Variants in ALG3 observed in about 807,000 individuals in gnomAD.
The protein encoded by ALG3 is dol-P-Man:Man(5)GlcNAc(2)-PP-Dol alpha-1,3-mannosyltransferase.
A neutral mutation model predicts 50.5 loss-of-function variants in ALG3; 39 were observed. That is an observed-to-expected ratio of 0.77 (90% confidence interval 0.60 to 1.01). ALG3 has a LOEUF of 1.01. Among genes scored for constraint, ALG3 ranks in the 50% least tolerant of loss-of-function variants. ALG3 has a pLI of 0.00. For missense variants in ALG3, 520 were observed against 554.8 expected (o/e 0.94, Z 0.63); for synonymous variants, 252 against 237.2 (o/e 1.06, Z -0.58).
Position 184,244,798 on chromosome 3 carries a change from A to C in ALG3, c.606-77T>G, listed in dbSNP as rs1577103843. ...CACAACACCCAAAGACATACCCCCC[A>C]CCATCACCACAGCAACCTCCCCCCC... is the stretch of plus-strand genomic sequence containing the variant. On this transcript the variant is annotated intron_variant, in intron 4 of 8. Transcript: ENST00000397676. 3.3e-6 allele frequency: 5 copies of C among 1,517,574 alleles called. No individual in the cohort carries two copies. In the East Asian group the frequency reaches 9.9e-5, roughly 30 times the overall value. 94.0% of individuals were successfully genotyped at this position (1,517,574 alleles called of 1,614,324 possible). A position where few individuals can be genotyped will look rare whatever the true frequency, so the allele number is the denominator to read the frequency against.
chr3:184,244,477 C>A (rs1400951852), intron 5 of ALG3, 124 bp downstream of exon 5: 1 of 1,230,618 alleles, frequency 8.1e-7, no homozygotes, highest in Admixed American at 2.5e-5. Flanking sequence ...ATAGTGGCTC[C>A]CTAGCTCAGA....
rs1322656346 is a variant in ALG3, at chr3:184,244,670, C to A, written c.657G>T (p.Leu219=). The stretch of plus-strand genomic sequence containing the variant: ...AGCCAAACTGTGTGAGGAGAAGAAA[C>A]AGTAACCCAGGGGCGAAGAGCAGCA... ...MNVLLFAPGL[L]FLLLTQFGFR... Residue 219 remains leucine (L), a synonymous_variant, in exon 5 of 9, where the codon CTG becomes CTT. Transcript: ENST00000397676. The A allele has an allele frequency of 1.1e-5, 17 of 1,610,736 alleles. No homozygotes were observed. Among genetic ancestry groups the A allele is most frequent in the Non-Finnish European group, 1.4e-5 (17 of 1,178,700 alleles).
rs1478739541 is a variant in ALG3 at position 184,245,371 on chromosome 3, C to G, written c.445-13G>C. On this transcript the variant is annotated splice_polypyrimidine_tract_variant and intron_variant, in intron 3 of 8. Transcript: ENST00000397676. ...CGAAGGGAGGTACCTAAAGGGAAAA[C>G]ACAGTAAGGTACAAGGTCAGCTCAG... is the stretch of plus-strand genomic sequence containing the variant. The G allele has an allele frequency of 6.2e-7, 1 of 1,612,876 alleles. No individual in the cohort carries two copies.
At chr3:184,245,018 G>T in intron 4 of ALG3, 180 bp downstream of exon 4, 1 of 859,602 alleles carries the variant, frequency 1.2e-6, no homozygotes, top group East Asian at 2.6e-5. Flanking sequence ...TGGAAAGAGG[G>T]CATGTGTGTA....
chr3:184,249,377 C>T (rs762556321), upstream of ALG3: 4 of 1,301,664 alleles, frequency 3.1e-6, no homozygotes, highest in East Asian at 2.5e-5. Flanking sequence ...GAACCTTTCA[C>T]TAATTTTCAG....
chr3:184,248,665 G>C (rs1719321251), intron 1 of ALG3, 80 bp downstream of exon 1: 2 of 1,307,018 alleles, frequency 1.5e-6, no homozygotes, highest in Non-Finnish European at 2.1e-6. Context: ...GTCTGGTTTG[G>C]AGTTCCAGGT....
At chr3:184,243,122 A>C in intron 7 of ALG3, 165 bp from the exon 8 acceptor site, 1 of 910,412 alleles carries the variant, frequency 1.1e-6, no homozygotes, top group Non-Finnish European at 1.7e-6. Flanking sequence ...TCAACCAAAT[A>C]TGGAATATGG....
chr3:184,243,420 TG>T, intron 7 of ALG3, 133 bp downstream of exon 7: 1 of 744,048 alleles, frequency 1.3e-6, no homozygotes, highest in Non-Finnish European at 2.4e-6. Context: ...CTCAGCACAG[TG>T]GTGCAGAATA....
rs528154210 is a variant in ALG3, at chr3:184,243,924, G to T, written c.799C>A (p.Gln267Lys). The T allele has an allele frequency of 2.5e-5, 40 of 1,613,950 alleles. No homozygotes were observed. The South Asian group carries it at 4.0e-4, about 16-fold the overall frequency. ...YLSRSFDLGR[Q>K]FLFHWTVNWR... ...TTCACTGTCCAGTGGAACAGAAACTGGCGGCCAAGGTCAAAGGAGCGGGAC... is the reference window on the plus strand; with the variant it reads ...TTCACTGTCCAGTGGAACAGAAACTTGCGGCCAAGGTCAAAGGAGCGGGAC... The change falls in exon 6 of 9, where the codon CAG becomes AAG. Residue 267 changes from glutamine to lysine, a missense_variant. Around this residue, in one of 3 missense-constraint regions of ALG3, gnomAD observed 224 missense variants for 272.8 expected, o/e 0.82. Coordinates refer to ENST00000397676, the MANE Select transcript of ALG3 (RefSeq NM_005787.6).
At chr3:184,243,737 A>G in intron 6 of ALG3, 54 bp downstream of exon 6, 1 of 1,593,892 alleles carries the variant, frequency 6.3e-7, no homozygotes, top group South Asian at 1.1e-5. Context: ...CCTAAGGCTT[A>G]GGCCCTTCAC....
upstream of ALG3, chr3:184,248,984 C>T: frequency 6.5e-7 from 1 of 1,546,654 alleles, no homozygotes; most frequent in Non-Finnish European, 8.7e-7. Context: ...CCCCGGAAAC[C>T]CGAACCTTCG....
At chr3:184,246,278 A>G (rs1314392456) in intron 1 of ALG3, among the ~76,000 whole-genome samples, 2 of 152,130 alleles carry the variant, frequency 1.3e-5, no homozygotes, top group Non-Finnish European at 1.5e-5. Context: ...CCTGACTTCT[A>G]CTTTCACCCT....
chr3:184,243,749 C>A, intron 6 of ALG3, 42 bp downstream of exon 6: 1 of 1,597,010 alleles, frequency 6.3e-7, no homozygotes, highest in Non-Finnish European at 8.5e-7. Context: ...GCCCTTCACT[C>A]CTTCCCCCAA....
intron 1 of ALG3, among the ~76,000 whole-genome samples, chr3:184,247,673 A>G (rs1719233617): frequency 6.6e-6 from 1 of 152,052 alleles, no homozygotes; most frequent in African/African-American, 2.4e-5. Flanking sequence ...TTCCTTAAAT[A>G]GCTAATTCCT....
chr3:184,247,661 C>T (rs1670410618), intron 1 of ALG3, among the ~76,000 whole-genome samples: 1 of 152,068 alleles, frequency 6.6e-6, no homozygotes, highest in African/African-American at 2.4e-5. Flanking sequence ...CCTTTTTCTT[C>T]TTTCCTTAAA....
chr3:184,247,906 C>T (rs1456059948), intron 1 of ALG3, among the ~76,000 whole-genome samples: 8 of 150,626 alleles, frequency 5.3e-5, no homozygotes, highest in African/African-American at 2.0e-4. Context: ...AGTGCAGTGG[C>T]GTGATCTCGG....
At chr3:184,245,067 T>C (rs1219789474) in intron 4 of ALG3, 131 bp downstream of exon 4, 2 of 1,231,216 alleles carry the variant, frequency 1.6e-6, no homozygotes, top group South Asian at 2.6e-5. Flanking sequence ...CTATAGATCC[T>C]GGACTCGCTT....
rs754104292 is a variant in ALG3, at chr3:184,248,955, G to C, written c.-15C>G. The C allele has an allele frequency of 6.4e-7, 1 of 1,561,752 alleles. No homozygotes were observed. Among genetic ancestry groups the C allele is most frequent in the South Asian group, 1.2e-5 (1 of 86,162 alleles). Reference sequence around the variant, plus strand: ...CCAGCCGCCATCTTAACGGTGCGCCGCTTGTGTGGGCCCACCACCCCCGGA... The same window carrying C: ...CCAGCCGCCATCTTAACGGTGCGCCCCTTGTGTGGGCCCACCACCCCCGGA... On this transcript the variant is annotated 5_prime_UTR_variant, in exon 1 of 9. Transcript: ENST00000397676.
intron 6 of ALG3, 50 bp from the exon 7 acceptor site, chr3:184,243,680 C>T: frequency 6.2e-7 from 1 of 1,605,158 alleles, no homozygotes; most frequent in East Asian, 2.2e-5. Flanking sequence ...GTGAGTCAAA[C>T]TCTAGACTCA....
Sources: gnomAD v4.1 joint callset for allele counts (sites outside exome capture counted in the v4.1 genomes callset) on GRCh38, gnomAD v4.1.1 for gene constraint, gnomAD v4.1.1 regional missense constraint, MANE v1.5 for transcripts, NCBI Gene and HGNC (gene_info 2026-07-23, HGNC 2026-07-21) for gene names.